The following CIMIP3 variants were observed in gnomAD, a reference collection of about 807,000 sequenced individuals.
CIMIP3 encodes the protein GUCA1A neighbor.
chr6:42,157,765 T>G, the CIMIP3 span, among the ~76,000 whole-genome samples: 1 of 152,282 alleles, frequency 6.6e-6, no homozygotes, highest in South Asian at 2.1e-4. Context: ...ATCATGGGAT[T>G]CCCAAGGGAG....
At chr6:42,156,275 C>T in the CIMIP3 span, among the ~76,000 whole-genome samples, 52 of 151,094 alleles carry the variant, frequency 3.4e-4, no homozygotes, top group African/African-American at 1.2e-3. Context: ...GGATTACAGG[C>T]GTGAGCCACT....
the CIMIP3 span, among the ~76,000 whole-genome samples, chr6:42,161,197 A>AAAAAC: frequency 1.3e-5 from 2 of 152,194 alleles, no homozygotes; most frequent in Non-Finnish European, 2.9e-5. Flanking sequence ...TCAAAAAACA[A>AAAAAC]AAAACAAAAC....
At chr6:42,161,591 G>A in the CIMIP3 span, among the ~76,000 whole-genome samples, 21 of 152,214 alleles carry the variant, frequency 1.4e-4, no homozygotes, top group East Asian at 5.8e-4. Context: ...AATGTGAGGC[G>A]CTAAATGTGT....
the CIMIP3 span, among the ~76,000 whole-genome samples, chr6:42,157,141 C>A: frequency 4.6e-5 from 7 of 152,202 alleles, no homozygotes; most frequent in Non-Finnish European, 8.8e-5. Flanking sequence ...AAGGGACAAA[C>A]GCATATTAGT....
the CIMIP3 span, among the ~76,000 whole-genome samples, chr6:42,162,300 GC>G: frequency 6.7e-6 from 1 of 149,210 alleles, no homozygotes; most frequent in Non-Finnish European, 1.5e-5. Context: ...TGTAATCCCA[GC>G]TTACTCAGGA....
the CIMIP3 span, among the ~76,000 whole-genome samples, chr6:42,156,958 C>T: frequency 6.6e-6 from 1 of 152,236 alleles, no homozygotes; most frequent in Non-Finnish European, 1.5e-5. Flanking sequence ...AGTGAGGAGG[C>T]TACAGGTGGA....
the CIMIP3 span, chr6:42,155,516 C>G: frequency 1.4e-6 from 1 of 716,980 alleles, no homozygotes; most frequent in Non-Finnish European, 2.6e-6. Flanking sequence ...TGGGGAAGGT[C>G]AGCTCGGGGT....
chr6:42,156,313 T>TG, the CIMIP3 span, among the ~76,000 whole-genome samples: 1 of 151,570 alleles, frequency 6.6e-6, no homozygotes, highest in East Asian at 1.9e-4. Flanking sequence ...TTTCTTTTTT[T>TG]TTTTTTTTTA....
chr6:42,157,585 T>G, the CIMIP3 span, among the ~76,000 whole-genome samples: 1 of 151,360 alleles, frequency 6.6e-6, no homozygotes, highest in African/African-American at 2.4e-5. Flanking sequence ...AGATGGGGTC[T>G]CACTATGTTG....
the CIMIP3 span, among the ~76,000 whole-genome samples, chr6:42,162,729 C>A: frequency 6.6e-6 from 1 of 152,152 alleles, no homozygotes; most frequent in Non-Finnish European, 1.5e-5. Flanking sequence ...CAGCAGGGGG[C>A]CAGGTCAGGG....
the CIMIP3 span, among the ~76,000 whole-genome samples, chr6:42,157,393 C>A: frequency 5.3e-5 from 8 of 152,010 alleles, no homozygotes; most frequent in African/African-American, 1.9e-4. Flanking sequence ...GGATTACAGG[C>A]GTGCACCATC....
At chr6:42,162,090 C>CTTTTTTT in the CIMIP3 span, among the ~76,000 whole-genome samples, 17 of 63,082 alleles carry the variant, frequency 2.7e-4, 1 homozygote, top group African/African-American at 1.0e-3. Context: ...AAGCCACATT[C>CTTTTTTT]TTTTTTTTTT....
the CIMIP3 span, among the ~76,000 whole-genome samples, chr6:42,158,949 G>A: frequency 1.3e-5 from 2 of 152,216 alleles, no homozygotes; most frequent in Non-Finnish European, 2.9e-5. Flanking sequence ...GGGATGGGGG[G>A]TGGGGTATCT....
chr6:42,155,503 G>T, the CIMIP3 span: 1 of 716,648 alleles, frequency 1.4e-6, no homozygotes, highest in Non-Finnish European at 2.6e-6. Flanking sequence ...GAAATCACAG[G>T]GCTGGGGAAG....
the CIMIP3 span, chr6:42,163,108 C>T: frequency 2.7e-4 from 192 of 713,756 alleles, 1 homozygote; most frequent in Admixed American, 3.5e-3. Flanking sequence ...TCAATTTCTA[C>T]ACCTCCCAGT....
At chr6:42,161,791 G>A in the CIMIP3 span, among the ~76,000 whole-genome samples, 9,558 of 152,204 alleles carry the variant, frequency 0.063, 397 homozygotes, top group Middle Eastern at 0.12. Flanking sequence ...AATTGATCCA[G>A]CATTTATCAA....
chr6:42,163,408 TCTC>T, the CIMIP3 span: 1 of 404,042 alleles, frequency 2.5e-6, no homozygotes. Context: ...AGGTCTCTCT[TCTC>T]AGCAGCAGTT....
chr6:42,162,999 G>A, the CIMIP3 span: 165 of 716,252 alleles, frequency 2.3e-4, no homozygotes, highest in Admixed American at 2.2e-3. Context: ...CACTCGTCCC[G>A]GCCCCGGGCG....
At chr6:42,161,251 C>G in the CIMIP3 span, among the ~76,000 whole-genome samples, 3 of 152,108 alleles carry the variant, frequency 2.0e-5, no homozygotes, top group Admixed American at 6.6e-5. Context: ...AAGGAGACTT[C>G]TTTTGTAAGA....
Sources: gnomAD v4.1 joint callset for allele counts (sites outside exome capture counted in the v4.1 genomes callset) on GRCh38, gnomAD v4.1.1 for gene constraint, MANE v1.5 for transcripts, NCBI Gene and HGNC (gene_info 2026-07-23, HGNC 2026-07-21) for gene names.